Variants in DST observed in about 807,000 individuals in gnomAD.
DST encodes the protein dystonin.
Under a neutral mutation model 875.2 loss-of-function variants are expected in DST, and 253 were observed. The ratio of observed to expected loss-of-function variants is 0.29; its 90% CI spans 0.26 to 0.32. DST has a LOEUF of 0.32. Ranked by LOEUF, DST falls within the 10% of genes least tolerant of loss-of-function variation. DST has a pLI of 1.00. For missense variants in DST, 8,287 were observed against 9,111.6 expected, an observed-to-expected ratio of 0.91 and a Z score of 3.68; for synonymous variants, 3,124 against 3,197.1, an observed-to-expected ratio of 0.98 and a Z score of 0.77.
At position 56,605,324 on chromosome 6, in the gene DST, C is replaced by A; in HGVS notation, c.9304G>T (p.Glu3102Ter). ...FPFPQITNNEELNQKGSLKKA... is the reference protein window; with the variant it reads ...FPFPQITNNE Reference sequence around the variant, plus strand: ...TTAAGGCTTCCTTTCTGATTAAGTTCTTCATTGTTTGTGATTTGTGGAAAT... The same window carrying A: ...TTAAGGCTTCCTTTCTGATTAAGTTATTCATTGTTTGTGATTTGTGGAAAT... The change falls in exon 40 of 104, where the codon GAA (glutamate) becomes TAA (stop). Residue 3102 changes from glutamate to a stop codon, truncating the protein, a stop_gained. Transcript: ENST00000680361. LOFTEE classifies it high-confidence loss of function. 6.2e-7 allele frequency: 1 copy of A among 1,612,190 alleles called. No homozygotes were observed. The highest frequency in any genetic ancestry group is 8.5e-7 in the Non-Finnish European group (1 of 1,179,068).
chr6:56,631,497 A>G, intron 29 of DST, 108 bp from the exon 30 acceptor site: 1 of 863,012 alleles, frequency 1.2e-6, no homozygotes, highest in Non-Finnish European at 1.8e-6. Flanking sequence ...AATGACTTAG[A>G]AATCTACATA....
Position 56,603,179 on chromosome 6 carries a change from T to G in DST, c.11157+26A>C, listed in dbSNP as rs1161219102. 2.6e-6 allele frequency: 4 copies of G among 1,567,676 alleles called. No individual in the cohort carries two copies. The South Asian group carries it at 4.7e-5, about 18-fold the overall frequency. ...CAAATAATAAAATTTTCTTCATAAA[T>G]CAAAATTTTGACATTTTATGCCTAC... is the stretch of plus-strand genomic sequence containing the variant. On this transcript the variant is annotated intron_variant, in intron 42 of 103. Coordinates refer to ENST00000680361, the MANE Select transcript of DST (RefSeq NM_001374736.1).
At position 56,463,123 on chromosome 6, in the gene DST, G is replaced by T. The variant is rs756227570; in HGVS notation, c.22993C>A (p.Pro7665Thr). ...GACATTTTGCTGTTTGTCAACCATG[G>T]TTTACCATAATTGCGTGTTAAAGGA... The part of the protein sequence containing the change: ...LHPLTRNYGK[P>T]WLTNSKMSTP... Residue 7665 changes from proline to threonine, a missense_variant, in exon 102 of 104, where the codon CCA becomes ACA. By Grantham distance (38) the Pro-to-Thr change is conservative (BLOSUM62 -1). Around this residue, in one of 10 missense-constraint regions of DST, gnomAD observed 240 missense variants for 237.3 expected, o/e 1.01. Coordinates refer to ENST00000680361, the MANE Select transcript of DST (RefSeq NM_001374736.1). The T allele has an allele frequency of 6.2e-7, 1 of 1,613,306 alleles. No homozygotes were observed. Among genetic ancestry groups the T allele is most frequent in the Non-Finnish European group, 8.5e-7 (1 of 1,179,422 alleles).
At chr6:56,724,999 C>G (rs1348520918) in intron 5 of DST, among the ~76,000 whole-genome samples, 2 of 152,168 alleles carry the variant, frequency 1.3e-5, no homozygotes, top group African/African-American at 4.8e-5. Context: ...GTAACAGGCA[C>G]TGTGTTCAAA....
In DST at chr6:56,631,958, C is replaced by T; in HGVS notation, c.3888G>A (p.Arg1296=). ...GGGGAGTTCGAATCTGTCTAATCAGCCGATCTTCACAGTTCTCTAACCGAA... is the reference window on the plus strand; with the variant it reads ...GGGGAGTTCGAATCTGTCTAATCAGTCGATCTTCACAGTTCTCTAACCGAA... ...IRLRLENCED[R]LIRQIRTPLE... Residue 1296 remains arginine, a synonymous_variant, in exon 29 of 104, where the codon CGG becomes CGA. Transcript: ENST00000680361. 1.2e-6 allele frequency: 2 copies of T among 1,613,660 alleles called. No homozygotes were observed. Among genetic ancestry groups the T allele is most frequent in the African/African-American group, 2.7e-5 (2 of 75,008 alleles).
intron 10 of DST, among the ~76,000 whole-genome samples, chr6:56,655,109 C>T (rs6908746): frequency 0.012 from 1,814 of 147,214 alleles, 30 homozygotes; most frequent in African/African-American, 0.043. Context: ...TGCAGTGAGC[C>T]GAGATCGCGC....
intron 9 of DST, among the ~76,000 whole-genome samples, chr6:56,675,780 A>T (rs1359218649): frequency 6.6e-6 from 1 of 152,124 alleles, no homozygotes; most frequent in Admixed American, 6.5e-5. Context: ...TGAACCCAGG[A>T]GGCGGAGGTT....
chr6:56,574,125 C>T (rs1224451385), intron 50 of DST, among the ~76,000 whole-genome samples: 1 of 151,330 alleles, frequency 6.6e-6, no homozygotes, highest in East Asian at 1.9e-4. Flanking sequence ...ATATATATCC[C>T]ATCTGCATTT....
At chr6:56,734,795 G>C (rs1031670497) in intron 5 of DST, among the ~76,000 whole-genome samples, 1 of 152,164 alleles carries the variant, frequency 6.6e-6, no homozygotes, top group Non-Finnish European at 1.5e-5. Flanking sequence ...AATAAGTCTA[G>C]ACTTCTGTCC....
intron 3 of DST, among the ~76,000 whole-genome samples, chr6:56,881,354 T>C (rs1361847189): frequency 6.6e-6 from 1 of 151,962 alleles, no homozygotes; most frequent in African/African-American, 2.4e-5. Flanking sequence ...ATGCCTGTAG[T>C]CCCAGCTACT....
intron 10 of DST, among the ~76,000 whole-genome samples, chr6:56,655,508 T>G (rs1460605570): frequency 1.3e-5 from 2 of 151,962 alleles, no homozygotes; most frequent in Non-Finnish European, 2.9e-5. Flanking sequence ...AAATTCAGAG[T>G]CTGCTGGTTG....
At chr6:56,474,272 T>C in intron 92 of DST, 1 of 291,950 alleles carries the variant, frequency 3.4e-6, no homozygotes, top group East Asian at 9.9e-5. Flanking sequence ...TCACCTGAGG[T>C]CAGGAGTTTG....
rs759999174 is a variant in DST, at chr6:56,608,649, A to G, written c.5979T>C (p.Ser1993=). The G allele has an allele frequency of 1.1e-5, 18 of 1,613,120 alleles. No homozygotes were observed. Among genetic ancestry groups the G allele is most frequent in the Non-Finnish European group, 1.5e-5 (18 of 1,179,602 alleles). ...CAGAGTTGGAATTGATCAGACCTCC[A>G]GAAAGAAGCTGTGCACTTAACAACC... is the stretch of plus-strand genomic sequence containing the variant. The part of the protein sequence containing the change: ...MFRLLSAQLL[S]GGLINSNSGQ... Residue 1993 remains serine (S), a synonymous_variant, in exon 40 of 104, where the codon TCT becomes TCC. Coordinates refer to ENST00000680361, the MANE Select transcript of DST (RefSeq NM_001374736.1).
chr6:56,598,091 ATTTTAAAT>A, intron 46 of DST, 85 bp from the exon 47 acceptor site: 1 of 1,281,864 alleles, frequency 7.8e-7, no homozygotes, highest in Non-Finnish European at 1.0e-6. Flanking sequence ...TACTTAGAAC[ATTTTAAAT>A]TAGAATGAGG....
At chr6:56,649,063 T>C (rs1236343232) in intron 12 of DST, among the ~76,000 whole-genome samples, 1 of 152,206 alleles carries the variant, frequency 6.6e-6, no homozygotes, top group East Asian at 1.9e-4. Flanking sequence ...TAAGCCAAGT[T>C]AGTTGCCATC....
intron 12 of DST, among the ~76,000 whole-genome samples, chr6:56,649,763 C>T (rs147655692): frequency 2.6e-5 from 4 of 152,182 alleles, no homozygotes; most frequent in Admixed American, 2.0e-4. Flanking sequence ...TTGCATTTAA[C>T]TTTGCAAGGA....
chr6:56,666,452 C>A (rs1007492634), intron 10 of DST, among the ~76,000 whole-genome samples: 1 of 152,078 alleles, frequency 6.6e-6, no homozygotes, highest in African/African-American at 2.4e-5. Context: ...TCCTTCTAAT[C>A]TCTGGAGAAA....
chr6:56,698,111 G>A (rs996784510), intron 9 of DST, among the ~76,000 whole-genome samples: 2 of 151,996 alleles, frequency 1.3e-5, no homozygotes, highest in Non-Finnish European at 2.9e-5. Context: ...TAGTCTGGCT[G>A]ACTAACACCT....
intron 36 of DST, 91 bp from the exon 37 acceptor site, chr6:56,614,575 AT>A (rs869309159): frequency 3.9e-5 from 52 of 1,347,456 alleles, no homozygotes; most frequent in Middle Eastern, 5.2e-4. Context: ...GAATGTAAAA[AT>A]TTTTTTTCAT....
Sources: gnomAD v4.1 joint callset for allele counts (sites outside exome capture counted in the v4.1 genomes callset) on GRCh38, gnomAD v4.1.1 for gene constraint, gnomAD v4.1.1 regional missense constraint, MANE v1.5 for transcripts, NCBI Gene and HGNC (gene_info 2026-07-23, HGNC 2026-07-21) for gene names.